COBL: variants seen among roughly 807,000 people sequenced by gnomAD.
COBL encodes the protein protein cordon-bleu.
In COBL, 51 loss-of-function variants were observed where a neutral mutation model predicts 98.8. The observed-to-expected ratio is 0.52, with a 90% CI of 0.41 to 0.65. The LOEUF (loss-of-function observed/expected upper bound fraction) is 0.65. Ranked by LOEUF, COBL falls within the 30% of genes least tolerant of loss-of-function variation. COBL has a pLI of 0.00. For missense variants in COBL, 1,617 were observed against 1,617.5 expected (o/e 1.00, Z 0.01); for synonymous variants, 634 against 651.7 (o/e 0.97, Z 0.41).
chr7:51,078,250 C>T (rs1029537263), intron 7 of COBL, among the ~76,000 whole-genome samples: 1 of 152,158 alleles, frequency 6.6e-6, no homozygotes, highest in Non-Finnish European at 1.5e-5. Context: ...TTAGTGGGGG[C>T]TTTCTGGGAA....
intron 5 of COBL, among the ~76,000 whole-genome samples, chr7:51,155,301 C>A (rs978554398): frequency 6.6e-6 from 1 of 152,050 alleles, no homozygotes; most frequent in Admixed American, 6.5e-5. Context: ...AAAGACTGTA[C>A]AGTTCCAGCC....
At chr7:51,128,582 G>A (rs571521397) in intron 6 of COBL, among the ~76,000 whole-genome samples, 90 of 152,348 alleles carry the variant, frequency 5.9e-4, no homozygotes, top group African/African-American at 2.2e-3. Context: ...TTCATATTTT[G>A]TGTGGCCATT....
At chr7:51,257,237 G>A (rs1444565421) in intron 1 of COBL, among the ~76,000 whole-genome samples, 1 of 152,082 alleles carries the variant, frequency 6.6e-6, no homozygotes, top group Non-Finnish European at 1.5e-5. Context: ...CCCCAACAAC[G>A]TGCCAAAAAA....
intron 7 of COBL, chr7:51,073,223 G>A (rs1038532372): frequency 1.1e-5 from 5 of 465,208 alleles, no homozygotes; most frequent in Non-Finnish European, 1.9e-5. Context: ...CCCAAAGGAA[G>A]TAAATTCTGG....
intron 1 of COBL, among the ~76,000 whole-genome samples, chr7:51,296,409 T>C (rs1311277807): frequency 6.6e-6 from 1 of 152,240 alleles, no homozygotes; most frequent in East Asian, 1.9e-4. Context: ...AGATGTTTGA[T>C]TAAATGAAGG....
chr7:51,118,190 A>G (rs1410745281), intron 6 of COBL, among the ~76,000 whole-genome samples: 3 of 152,156 alleles, frequency 2.0e-5, no homozygotes, highest in Admixed American at 2.0e-4. Flanking sequence ...TGACTACTGT[A>G]TTAATTTTCT....
intron 1 of COBL, among the ~76,000 whole-genome samples, chr7:51,263,831 G>T (rs1236871439): frequency 1.3e-5 from 2 of 152,156 alleles, no homozygotes; most frequent in Non-Finnish European, 2.9e-5. Context: ...TAAATATTTT[G>T]ATATGATTCC....
chr7:51,157,508 G>T (rs1294891514), intron 5 of COBL, among the ~76,000 whole-genome samples: 1 of 152,224 alleles, frequency 6.6e-6, no homozygotes, highest in Admixed American at 6.5e-5. Flanking sequence ...CCCCTGGTCT[G>T]CTGATGGGAC....
intron 2 of COBL, among the ~76,000 whole-genome samples, chr7:51,204,285 C>T (rs2129068643): frequency 6.6e-6 from 1 of 152,278 alleles, no homozygotes; most frequent in Non-Finnish European, 1.5e-5. Context: ...TGGAGAAAAA[C>T]TGAAAGCTTT....
At chr7:51,304,916 C>T (rs1217589627) in intron 1 of COBL, among the ~76,000 whole-genome samples, 2 of 152,116 alleles carry the variant, frequency 1.3e-5, no homozygotes, top group South Asian at 4.2e-4. Context: ...GATGTGTGGG[C>T]CTTGTCCTTC....
rs768892179 is a variant in COBL at position 51,028,830 on chromosome 7, C to T, written c.2266G>A (p.Val756Met). ...ATGGGCTGAGATTCTGCTTCAGGCACAGACGAAGACAGGGAAATGATCCTG... is the reference window on the plus strand; with the variant it reads ...ATGGGCTGAGATTCTGCTTCAGGCATAGACGAAGACAGGGAAATGATCCTG... ...GIRIISLSSS[V>M]PEAESQPIGK... is the part of the protein sequence containing the mutation. Residue 756 changes from valine (V) to methionine (M), a missense_variant, in exon 10 of 13, where the codon GTG (valine) becomes ATG (methionine). Val to Met is a conservative substitution (Grantham distance 21, BLOSUM62 1). Transcript: ENST00000265136. 33 of 1,614,132 alleles carry T rather than the reference C, an allele frequency of 2.0e-5. No individual in the cohort carries two copies. Among genetic ancestry groups the T allele is most frequent in the Non-Finnish European group, 2.7e-5 (32 of 1,180,058 alleles).
chr7:51,079,748 G>A (rs536687692), intron 7 of COBL, among the ~76,000 whole-genome samples: 1 of 152,360 alleles, frequency 6.6e-6, no homozygotes, highest in Admixed American at 6.5e-5. Context: ...CTGCACATGG[G>A]CTGGGTGAGC....
intron 1 of COBL, among the ~76,000 whole-genome samples, chr7:51,262,990 C>T (rs114195603): frequency 0.016 from 2,430 of 152,232 alleles, 63 homozygotes; most frequent in African/African-American, 0.056. Context: ...AGGTGAGGCA[C>T]GGACGAGCCT....
intron 1 of COBL, among the ~76,000 whole-genome samples, chr7:51,280,800 A>G (rs1172908766): frequency 6.6e-6 from 1 of 152,234 alleles, no homozygotes; most frequent in East Asian, 1.9e-4. Flanking sequence ...GGTAGCAGAA[A>G]CATGAGAAGA....
intron 6 of COBL, among the ~76,000 whole-genome samples, chr7:51,113,225 T>A (rs1253080000): frequency 6.6e-6 from 1 of 152,200 alleles, no homozygotes. Context: ...CAAAAGCAGA[T>A]GTGTCAAGTG....
chr7:51,132,427 T>C (rs981522262), intron 6 of COBL, among the ~76,000 whole-genome samples: 3 of 152,230 alleles, frequency 2.0e-5, no homozygotes, highest in African/African-American at 7.2e-5. Context: ...AGTGCTGTTC[T>C]TACTGTTCCC....
intron 6 of COBL, among the ~76,000 whole-genome samples, chr7:51,135,762 GA>G (rs148384162): frequency 2.6e-3 from 393 of 152,330 alleles, no homozygotes; most frequent in African/African-American, 9.1e-3. Flanking sequence ...AATGGACTCT[GA>G]ATTTGCTTTC....
chr7:51,278,359 A>G (rs1483817381), intron 1 of COBL, among the ~76,000 whole-genome samples: 3 of 147,166 alleles, frequency 2.0e-5, no homozygotes, highest in African/African-American at 7.5e-5. Context: ...GGAGACAAGC[A>G]TGCTATATTT....
At chr7:51,204,043 TC>T in intron 2 of COBL, among the ~76,000 whole-genome samples, 1 of 152,296 alleles carries the variant, frequency 6.6e-6, no homozygotes, top group South Asian at 2.1e-4. Flanking sequence ...GTAGGATTTC[TC>T]CCTGAGATGC....
Sources: allele counts gnomAD v4.1 joint callset (sites outside exome capture counted in the v4.1 genomes callset), GRCh38; gene constraint gnomAD v4.1.1; transcripts MANE v1.5; gene names NCBI Gene and HGNC (gene_info 2026-07-23, HGNC 2026-07-21).